Variants in SEMA6A observed in about 807,000 individuals in gnomAD.
SEMA6A encodes semaphorin-6A.
In SEMA6A, 25 loss-of-function variants were observed where a neutral mutation model predicts 96.8. The observed-to-expected ratio is 0.26, with a 90% CI of 0.19 to 0.36. The LOEUF (loss-of-function observed/expected upper bound fraction) is 0.36. SEMA6A is among the 10% of genes least tolerant of loss of function. The pLI is 1.00. For missense variants in SEMA6A, 1,363 were observed against 1,323.1 expected (o/e 1.03, Z -0.47); for synonymous variants, 612 against 518.0 (o/e 1.18, Z -2.46).
chr5:116,465,702 GA>G (rs1269564820), intron 18 of SEMA6A, among the ~76,000 whole-genome samples: 1 of 152,144 alleles, frequency 6.6e-6, no homozygotes, highest in Admixed American at 6.5e-5. Flanking sequence ...TCCTTGGGGG[GA>G]GTTAACGATT....
At chr5:116,573,657 TTC>T (rs1300123956) in intron 1 of SEMA6A, among the ~76,000 whole-genome samples, 2 of 151,054 alleles carry the variant, frequency 1.3e-5, no homozygotes, top group Non-Finnish European at 2.9e-5. Context: ...CAACAAAAGA[TTC>T]TCTCCGCTTC....
intron 1 of SEMA6A, among the ~76,000 whole-genome samples, chr5:116,524,932 T>C (rs956634074): frequency 1.3e-5 from 2 of 152,242 alleles, no homozygotes; most frequent in African/African-American, 4.8e-5. Flanking sequence ...GGTAAAGATC[T>C]AGACAATGGC....
rs757056479 is a variant in SEMA6A at position 116,475,579 on chromosome 5, C to T, written c.1674G>A (p.Glu558=). The T allele has an allele frequency of 1.9e-6, 3 of 1,604,138 alleles. No homozygotes were observed. The highest frequency in any genetic ancestry group is 2.3e-5 in the South Asian group (2 of 88,594). ...CCCCCAGACCATCTGTATTGCCACG[C>T]TCTATGTCCTGCTCAAAAGTCAGTC... ...NSRLTFEQDI[E]RGNTDGLGDC... Residue 558 remains glutamate, a synonymous_variant, in exon 16 of 19, where the codon GAG becomes GAA. Transcript: ENST00000343348.
At chr5:116,495,578 T>C in intron 5 of SEMA6A, 64 bp from the exon 6 acceptor site, 1 of 1,198,480 alleles carries the variant, frequency 8.3e-7, no homozygotes, top group Non-Finnish European at 1.2e-6. Flanking sequence ...TTCTTCACTG[T>C]ATGCCATGGT....
Position 116,480,257 on chromosome 5 carries a change from G to A in SEMA6A, c.1115C>T (p.Ser372Leu), listed in dbSNP as rs1476378736. ...PKPRPGCCAG[S>L]SSLERYATSN... ...GGTTGCATATCTTTCTAAGGAGGAT[G>A]AGCCAGCACAGCAACCTGGCCTAAA... The change falls in exon 12 of 19, where the codon TCA becomes TTA. Residue 372 changes from serine (S) to leucine (L), a missense_variant. Transcript: ENST00000343348. 3.1e-6 allele frequency: 5 copies of A among 1,613,668 alleles called. No homozygotes were observed. The highest frequency in any genetic ancestry group is 3.4e-6 in the Non-Finnish European group (4 of 1,179,760).
chr5:116,464,967 C>T (rs1263482157), intron 18 of SEMA6A, among the ~76,000 whole-genome samples: 1 of 152,098 alleles, frequency 6.6e-6, no homozygotes, highest in East Asian at 1.9e-4. Context: ...ACATTTTCTG[C>T]TTAGTGAGGA....
chr5:116,536,454 G>A (rs1196060617), intron 1 of SEMA6A: 2 of 152,270 alleles, frequency 1.3e-5, no homozygotes, highest in East Asian at 1.9e-4. Flanking sequence ...ACACAGTAAC[G>A]CATTGCGAAC....
intron 1 of SEMA6A, among the ~76,000 whole-genome samples, chr5:116,570,298 T>C (rs1761158571): frequency 6.6e-6 from 1 of 152,016 alleles, no homozygotes; most frequent in Admixed American, 6.6e-5. Flanking sequence ...CACGCTGAAA[T>C]AGAAATATCT....
intron 10 of SEMA6A, among the ~76,000 whole-genome samples, chr5:116,485,399 C>T (rs1757003447): frequency 6.6e-6 from 1 of 152,144 alleles, no homozygotes; most frequent in Non-Finnish European, 1.5e-5. Context: ...GAGAGATAGG[C>T]TCTGATGTAT....
chr5:116,461,973 G>A (rs1755433751), intron 18 of SEMA6A, among the ~76,000 whole-genome samples: 1 of 152,162 alleles, frequency 6.6e-6, no homozygotes, highest in Non-Finnish European at 1.5e-5. Flanking sequence ...AGAAATGGCA[G>A]AGAAAATTAA....
At chr5:116,522,588 A>C (rs1159588875) in intron 1 of SEMA6A, among the ~76,000 whole-genome samples, 2 of 152,236 alleles carry the variant, frequency 1.3e-5, no homozygotes, top group East Asian at 3.8e-4. Context: ...TTAGCTTTCA[A>C]ATAAAAATGT....
rs147593412 is a variant in SEMA6A at position 116,508,567 on chromosome 5, G to A, written c.-38-3585C>T. 2.0e-5 allele frequency among the ~76,000 whole-genome samples: 3 copies of A among 152,188 alleles called. No individual in the cohort carries two copies. The East Asian group carries it at 5.8e-4, about 29-fold the overall frequency. ...CAAATCCTGCCCTGGAAAATTCTACGGGGGCTCACAAACTCGTAGTACCTG... is the reference window on the plus strand; with the variant it reads ...CAAATCCTGCCCTGGAAAATTCTACAGGGGCTCACAAACTCGTAGTACCTG... On this transcript the variant is annotated intron_variant, in intron 1 of 18. Coordinates refer to ENST00000343348, the MANE Select transcript of SEMA6A (RefSeq NM_020796.5).
intron 16 of SEMA6A, 42 bp from the exon 17 acceptor site, chr5:116,473,135 G>C (rs770691643): frequency 2.5e-6 from 4 of 1,572,300 alleles, no homozygotes; most frequent in Non-Finnish European, 3.5e-6. Context: ...AATGTTTTAC[G>C]CTCTGCTTGG....
At chr5:116,543,113 C>T (rs1305933414) in intron 1 of SEMA6A, among the ~76,000 whole-genome samples, 1 of 152,162 alleles carries the variant, frequency 6.6e-6, no homozygotes, top group South Asian at 2.1e-4. Context: ...TATCTTTCAA[C>T]TACTATGGGA....
intron 2 of SEMA6A, among the ~76,000 whole-genome samples, chr5:116,503,159 A>T (rs1000688419): frequency 1.3e-5 from 2 of 152,194 alleles, no homozygotes; most frequent in Non-Finnish European, 2.9e-5. Flanking sequence ...GCCTCCAGAC[A>T]AACTCAGGAG....
rs893355726 is a variant in SEMA6A at position 116,519,660 on chromosome 5, T to C, written c.-38-14678A>G. On this transcript the variant is annotated intron_variant, in intron 1 of 18. Coordinates refer to ENST00000343348, the MANE Select transcript of SEMA6A (RefSeq NM_020796.5). ...TACATAAGTGGCTATAACGATGCTG[T>C]GTGTACACACACACACACACACACA... Among the ~76,000 whole-genome samples the C allele has an allele frequency of 2.3e-4, 32 of 136,630 alleles. 1 individual carries two copies. The highest frequency in any genetic ancestry group is 3.5e-3 in the Middle Eastern group (1 of 282). The allele number at this position is 136,630 out of a possible 152,430, so 89.6% of individuals were successfully genotyped here.
chr5:116,541,018 G>C (rs1029815419), intron 1 of SEMA6A, among the ~76,000 whole-genome samples: 7 of 152,138 alleles, frequency 4.6e-5, no homozygotes, highest in African/African-American at 1.4e-4. Context: ...AGTGACTTAC[G>C]GGGGATATTG....
Position 116,482,585 on chromosome 5 carries a change from G to T in SEMA6A, c.963-10C>A. The T allele has an allele frequency of 6.2e-7, 1 of 1,613,056 alleles. No homozygotes were observed. Among genetic ancestry groups the T allele is most frequent in the Non-Finnish European group, 8.5e-7 (1 of 1,179,346 alleles). Reference sequence around the variant, plus strand: ...TGCAGACCCAGGGATGCTACAACATGATATTTCACATCAAGTGTTACTCAT... The same window carrying T: ...TGCAGACCCAGGGATGCTACAACATTATATTTCACATCAAGTGTTACTCAT... On this transcript the variant is annotated splice_polypyrimidine_tract_variant and intron_variant, in intron 10 of 18. Transcript: ENST00000343348.
chr5:116,516,487 C>T (rs1171203633), intron 1 of SEMA6A, among the ~76,000 whole-genome samples: 2 of 152,010 alleles, frequency 1.3e-5, no homozygotes, highest in African/African-American at 4.8e-5. Context: ...ATAGATATTT[C>T]AGGTTTTTTT....
Sources: allele counts gnomAD v4.1 joint callset (sites outside exome capture counted in the v4.1 genomes callset), GRCh38; gene constraint gnomAD v4.1.1; transcripts MANE v1.5; gene names NCBI Gene and HGNC (gene_info 2026-07-23, HGNC 2026-07-21).